GALNTL6: variants seen among roughly 807,000 people sequenced by gnomAD.
The protein encoded by GALNTL6 is polypeptide N-acetylgalactosaminyltransferase like 6, also known as polypeptide N-acetylgalactosaminyltransferase-like 6.
Under a neutral mutation model 73.7 loss-of-function variants are expected in GALNTL6, and 46 were observed. The observed-to-expected ratio is 0.62, with a 90% CI of 0.49 to 0.80. The LOEUF (loss-of-function observed/expected upper bound fraction) is 0.80, where lower values mean the gene tolerates loss of function less well. Ranked by LOEUF, GALNTL6 falls within the 30% of genes least tolerant of loss-of-function variation. The pLI is 0.00. For missense variants in GALNTL6, 604 were observed against 755.0 expected (o/e 0.80, Z 2.34); for synonymous variants, 259 against 263.7 (o/e 0.98, Z 0.17).
At chr4:172,442,019 C>T (rs965462685) in intron 5 of GALNTL6, among the ~76,000 whole-genome samples, 2 of 152,044 alleles carry the variant, frequency 1.3e-5, no homozygotes, top group African/African-American at 4.8e-5. Context: ...TTTATTACAA[C>T]AAAATCCATA....
At chr4:172,105,059 T>A (rs1189016147) in intron 2 of GALNTL6, among the ~76,000 whole-genome samples, 1 of 151,566 alleles carries the variant, frequency 6.6e-6, no homozygotes, top group Non-Finnish European at 1.5e-5. Flanking sequence ...TGCAAATAGA[T>A]TGCCAATAAA....
chr4:172,591,320 A>C (rs11930013), intron 5 of GALNTL6, among the ~76,000 whole-genome samples: 7,174 of 152,246 alleles, frequency 0.047, 479 homozygotes, highest in African/African-American at 0.15. Context: ...ATAAAATGTT[A>C]AGATGGATAT....
chr4:172,420,664 C>T (rs1263256646), intron 5 of GALNTL6, among the ~76,000 whole-genome samples: 1 of 152,034 alleles, frequency 6.6e-6, no homozygotes, highest in East Asian at 1.9e-4. Context: ...GCAATCTAAA[C>T]TTTATATAAT....
chr4:172,568,264 C>T (rs2110942024), intron 5 of GALNTL6, among the ~76,000 whole-genome samples: 1 of 152,212 alleles, frequency 6.6e-6, no homozygotes, highest in East Asian at 1.9e-4. Flanking sequence ...CAAATAAACT[C>T]ACATGGAATG....
chr4:172,037,092 T>A (rs1174579533), intron 2 of GALNTL6, among the ~76,000 whole-genome samples: 1 of 152,164 alleles, frequency 6.6e-6, no homozygotes, highest in Admixed American at 6.6e-5. Context: ...ATGGACTATA[T>A]GTATACATAA....
At chr4:171,999,429 G>A (rs1414536989) in intron 2 of GALNTL6, among the ~76,000 whole-genome samples, 1 of 152,106 alleles carries the variant, frequency 6.6e-6, no homozygotes, top group Admixed American at 6.6e-5. Flanking sequence ...GTGTTGAAGG[G>A]CTAATAATTG....
At chr4:172,004,307 G>A (rs1282330386) in intron 2 of GALNTL6, among the ~76,000 whole-genome samples, 2 of 152,066 alleles carry the variant, frequency 1.3e-5, no homozygotes, top group Non-Finnish European at 2.9e-5. Flanking sequence ...AGTGACAATG[G>A]ATCAGTTACA....
At chr4:172,156,551 A>ATATAC (rs1734288517) in intron 2 of GALNTL6, among the ~76,000 whole-genome samples, 4 of 134,604 alleles carry the variant, frequency 3.0e-5, no homozygotes, top group African/African-American at 1.2e-4. Context: ...ATATATATAT[A>ATATAC]TATATATATA....
intron 2 of GALNTL6, among the ~76,000 whole-genome samples, chr4:172,206,829 T>G (rs1736142948): frequency 9.3e-6 from 1 of 107,424 alleles, no homozygotes; most frequent in Non-Finnish European, 1.9e-5. Context: ...TTTTTTTTTT[T>G]TTTTTTGAGA....
intron 5 of GALNTL6, among the ~76,000 whole-genome samples, chr4:172,520,192 A>G (rs1173988533): frequency 2.0e-5 from 3 of 151,922 alleles, no homozygotes; most frequent in African/African-American, 7.2e-5. Flanking sequence ...AAAGAAGTTA[A>G]TGTCGGTGTC....
chr4:172,616,404 G>T (rs1433361388), intron 5 of GALNTL6, among the ~76,000 whole-genome samples: 11 of 151,866 alleles, frequency 7.2e-5, no homozygotes, highest in African/African-American at 2.7e-4. Context: ...TATAACATAT[G>T]TATTTATGTT....
At chr4:172,561,777 A>G (rs995312492) in intron 5 of GALNTL6, among the ~76,000 whole-genome samples, 1 of 152,204 alleles carries the variant, frequency 6.6e-6, no homozygotes, top group Non-Finnish European at 1.5e-5. Context: ...CAATCTCTTG[A>G]GGTGAGACCC....
At chr4:172,972,748 C>T (rs981773622) in intron 10 of GALNTL6, among the ~76,000 whole-genome samples, 25 of 152,254 alleles carry the variant, frequency 1.6e-4, no homozygotes, top group African/African-American at 4.8e-4. Flanking sequence ...GTCAAAAGGA[C>T]ATGGGAGTCA....
At chr4:172,033,766 G>A (rs1741841653) in intron 2 of GALNTL6, among the ~76,000 whole-genome samples, 1 of 152,130 alleles carries the variant, frequency 6.6e-6, no homozygotes, top group Admixed American at 6.6e-5. Context: ...CAGTGGCAGA[G>A]TTGTGTAGTT....
At position 172,779,851 on chromosome 4, in the gene GALNTL6, G is replaced by C. The variant is rs918992220; in HGVS notation, c.554-29510G>C. Among the ~76,000 whole-genome samples, 11 of 152,130 alleles carry C rather than the reference G, an allele frequency of 7.2e-5. No individual in the cohort carries two copies. In the East Asian group the frequency reaches 2.1e-3, roughly 29 times the overall value. ...GCTGCTGTGATAGAGGCTTTAGAGAGATTTTTTTTTCCCCTTATCGTTGAG... is the reference window on the plus strand; with the variant it reads ...GCTGCTGTGATAGAGGCTTTAGAGACATTTTTTTTTCCCCTTATCGTTGAG... On this transcript the variant is annotated intron_variant, in intron 5 of 12. Transcript: ENST00000506823.
At chr4:172,066,071 G>A (rs1731353126) in intron 2 of GALNTL6, among the ~76,000 whole-genome samples, 1 of 152,168 alleles carries the variant, frequency 6.6e-6, no homozygotes, top group Admixed American at 6.5e-5. Flanking sequence ...ATTTGTTACA[G>A]TTGATGAGCA....
chr4:172,723,495 G>C (rs1284448046), intron 5 of GALNTL6, among the ~76,000 whole-genome samples: 1 of 152,154 alleles, frequency 6.6e-6, no homozygotes, highest in African/African-American at 2.4e-5. Context: ...ACTTAGCACA[G>C]AGCTCAATAC....
At chr4:171,982,409 T>A (rs181967219) in intron 2 of GALNTL6, among the ~76,000 whole-genome samples, 2 of 152,216 alleles carry the variant, frequency 1.3e-5, no homozygotes, top group East Asian at 1.9e-4. Context: ...GTCATTCTCC[T>A]GCTTCAGCCT....
At chr4:172,781,851 C>A (rs556599810) in intron 5 of GALNTL6, among the ~76,000 whole-genome samples, 1 of 151,548 alleles carries the variant, frequency 6.6e-6, no homozygotes, top group African/African-American at 2.4e-5. Flanking sequence ...GGTTAATGGG[C>A]ATGTATTATT....
Sources: gnomAD v4.1 joint callset for allele counts (sites outside exome capture counted in the v4.1 genomes callset) on GRCh38, gnomAD v4.1.1 for gene constraint, MANE v1.5 for transcripts, NCBI Gene and HGNC (gene_info 2026-07-23, HGNC 2026-07-21) for gene names.